FAM241B: variants seen among roughly 807,000 people sequenced by gnomAD.
FAM241B encodes the protein family with sequence similarity 241 member B, also known as protein FAM241B.
Under a neutral mutation model 9.3 loss-of-function variants are expected in FAM241B, and 7 were observed. The observed-to-expected ratio is 0.75, with a 90% confidence interval of 0.43 to 1.41. The LOEUF is 1.41. Among genes scored for constraint, FAM241B ranks in the 40% most tolerant of loss-of-function variants. FAM241B has a pLI of 0.01. For missense variants in FAM241B, 136 were observed against 159.6 expected (o/e 0.85, Z 0.80); for synonymous variants, 60 against 64.1 (o/e 0.94, Z 0.31).
chr10:69,631,451 C>A (rs922666888), intron 1 of FAM241B, 29 bp from the exon 2 acceptor site: 23 of 1,460,430 alleles, frequency 1.6e-5, no homozygotes, highest in Non-Finnish European at 2.0e-5. Context: ...AAACAACTTG[C>A]CTTTATTTCT....
Position 69,632,988 on chromosome 10 carries a change from A to T in FAM241B, c.295A>T (p.Met99Leu). The change falls in exon 4 of 4, where the codon ATG (methionine) becomes TTG (leucine). Residue 99 changes from methionine (M) to leucine (L), a missense_variant. Transcript: ENST00000373279. ...VTSILLLFLL[M>L]MLGVRGLLLV... Reference sequence around the variant, plus strand: ...CTCCATCCTGCTCCTCTTCCTGCTCATGATGCTTGGTGTTCGTGGCCTCCT... The same window carrying T: ...CTCCATCCTGCTCCTCTTCCTGCTCTTGATGCTTGGTGTTCGTGGCCTCCT... 1 of 1,614,168 alleles carries T rather than the reference A, an allele frequency of 6.2e-7. No individual in the cohort carries two copies. Among genetic ancestry groups the T allele is most frequent in the South Asian group, 1.1e-5 (1 of 91,086 alleles).
At chr10:69,630,992 TC>T (rs72512865) in intron 1 of FAM241B, among the ~76,000 whole-genome samples, 7,428 of 152,266 alleles carry the variant, frequency 0.049, 306 homozygotes, top group East Asian at 0.24. Flanking sequence ...CCCTGGGTGT[TC>T]CTGGGGAAGG....
At chr10:69,630,660 G>A in intron 1 of FAM241B, 1 of 1,298,768 alleles carries the variant, frequency 7.7e-7, no homozygotes, top group Non-Finnish European at 1.0e-6. Context: ...TATCTGGAAT[G>A]TAGGTGGACA....
Position 69,631,506 on chromosome 10 carries a change from C to T in FAM241B, c.-77C>T. On this transcript the variant is annotated 5_prime_UTR_variant, in exon 2 of 4. Coordinates refer to ENST00000373279, the MANE Select transcript of FAM241B (RefSeq NM_145306.3). ...CACAGCATCTACTCAGCGTGGGTCACCTCTGTGAACATCACTGACTGCAAG... is the reference window on the plus strand; with the variant it reads ...CACAGCATCTACTCAGCGTGGGTCATCTCTGTGAACATCACTGACTGCAAG... 2 of 1,536,482 alleles carry T rather than the reference C, an allele frequency of 1.3e-6. No homozygotes were observed. The highest frequency in any genetic ancestry group is 1.8e-6 in the Non-Finnish European group (2 of 1,138,072).
chr10:69,633,251 G>A lies in FAM241B; in HGVS notation c.*192G>A. ...TTAGTCCAGCATTTCCAAAGTGTGG[G>A]TGGGTCCGTTGGTTCCCAAGATACT... On this transcript the variant is annotated 3_prime_UTR_variant, in exon 4 of 4. Coordinates refer to ENST00000373279, the MANE Select transcript of FAM241B (RefSeq NM_145306.3). 2.4e-6 allele frequency: 2 copies of A among 845,800 alleles called. No individual in the cohort carries two copies. 52.4% of individuals were successfully genotyped at this position (845,800 alleles called of 1,614,324 possible).
intron 3 of FAM241B, among the ~76,000 whole-genome samples, chr10:69,632,575 G>C (rs1404492816): frequency 6.6e-6 from 1 of 152,124 alleles, no homozygotes; most frequent in East Asian, 1.9e-4. Context: ...TCTGTCCTGG[G>C]CCTGATGTGA....
In FAM241B at chr10:69,631,479, G is replaced by C. The variant is rs1476957360; in HGVS notation, c.-103-1G>C. The C allele has an allele frequency of 5.3e-6, 8 of 1,515,406 alleles. No homozygotes were observed. In the African/African-American group the frequency reaches 5.5e-5, roughly 10 times the overall value. The allele number at this position is 1,515,406 out of a possible 1,614,324, so 93.9% of individuals were successfully genotyped here. On this transcript the variant is annotated splice_acceptor_variant, in intron 1 of 3. Coordinates refer to ENST00000373279, the MANE Select transcript of FAM241B (RefSeq NM_145306.3). LOFTEE classifies it low-confidence loss of function (5UTR_SPLICE). ...TTATTTCTCCCCTTTTTGTTAATCA[G>C]ACACAGCATCTACTCAGCGTGGGTC...
intron 1 of FAM241B, among the ~76,000 whole-genome samples, chr10:69,631,232 G>A (rs1382599555): frequency 6.6e-6 from 1 of 152,176 alleles, no homozygotes; most frequent in Non-Finnish European, 1.5e-5. Context: ...TGCAATGGCC[G>A]CGCTAGTACC....
Position 69,631,792 on chromosome 10 carries a change from C to G in FAM241B, c.49C>G (p.Arg17Gly). 6.2e-7 allele frequency: 1 copy of G among 1,613,204 alleles called. No individual in the cohort carries two copies. The highest frequency in any genetic ancestry group is 1.3e-5 in the African/African-American group (1 of 75,004). Residue 17 changes from arginine (R) to glycine (G), a missense_variant, in exon 3 of 4, where the codon CGA becomes GGA. Coordinates refer to ENST00000373279, the MANE Select transcript of FAM241B (RefSeq NM_145306.3). ...NGEIVQDDDP[R>G]VRTTTQPPRG... ...GGAAATCGTGCAGGATGACGACCCC[C>G]GAGTGAGGACCACTACCCAGCCACC...
intron 3 of FAM241B, 59 bp from the exon 4 acceptor site, chr10:69,632,731 T>C (rs768706315): frequency 1.3e-6 from 2 of 1,568,714 alleles, no homozygotes; most frequent in East Asian, 2.2e-5. Flanking sequence ...GAGAGGTTGA[T>C]TCCTGGCTGG....
In FAM241B at chr10:69,633,038, G is replaced by A; in HGVS notation, c.345G>A (p.Val115=). 1 of 1,614,192 alleles carries A rather than the reference G, an allele frequency of 6.2e-7. No homozygotes were observed. The highest frequency in any genetic ancestry group is 8.5e-7 in the Non-Finnish European group (1 of 1,180,026). The part of the protein sequence containing the change: ...GLLLVGLVYL[V]SHLSQR ...TCCTGGTTGGCCTTGTCTACCTGGT[G>A]TCCCACCTGAGTCAGCGGTGACCTC... is the stretch of plus-strand genomic sequence containing the variant. The change falls in exon 4 of 4, where the codon GTG becomes GTA. Residue 115 remains valine (V), a synonymous_variant. Coordinates refer to ENST00000373279, the MANE Select transcript of FAM241B (RefSeq NM_145306.3).
rs1294799401 is a variant in FAM241B at position 69,630,300 on chromosome 10, A to C, written c.-117A>C. 6.6e-6 allele frequency: 1 copy of C among 152,586 alleles called. No individual in the cohort carries two copies. The highest frequency in any genetic ancestry group is 1.5e-5 in the Non-Finnish European group (1 of 68,442). The allele number at this position is 152,586 out of a possible 1,614,324, so 9.5% of individuals were successfully genotyped here. On this transcript the variant is annotated 5_prime_UTR_variant, in exon 1 of 4. Transcript: ENST00000373279. ...GGGAGTGGACGCCGCCGAGGCCCGG[A>C]GTCGCGCCTGCAGGTGAGTCGCCGC...
rs1839856547 is a variant in FAM241B, at chr10:69,632,930, G to C, written c.237G>C (p.Trp79Cys). ...TGGTGAACATGGGCTTTCCGCAGTGGCATCTTGGCAACCATGCTGTGGAGC... is the reference window on the plus strand; with the variant it reads ...TGGTGAACATGGGCTTTCCGCAGTGCCATCTTGGCAACCATGCTGTGGAGC... ...RQLVNMGFPQ[W>C]HLGNHAVEPV... is the part of the protein sequence containing the mutation. Residue 79 changes from tryptophan (W) to cysteine (C), a missense_variant, in exon 4 of 4, where the codon TGG becomes TGC. Coordinates refer to ENST00000373279, the MANE Select transcript of FAM241B (RefSeq NM_145306.3). The C allele has an allele frequency of 6.2e-7, 1 of 1,614,084 alleles. No homozygotes were observed. Among genetic ancestry groups the C allele is most frequent in the Non-Finnish European group, 8.5e-7 (1 of 1,180,046 alleles).
chr10:69,631,836 A>C lies in FAM241B; in HGVS notation c.93A>C (p.Arg31=). ...TTQPPRGSIP[R]QSFFNRGHGA... ...AGCCACCAAGAGGTAGCATTCCTCG[A>C]CAGGTAGGTACTCATTTCCTGTGGA... Residue 31 remains arginine (R), a synonymous_variant, in exon 3 of 4, where the codon CGA becomes CGC. Transcript: ENST00000373279. 6.2e-7 allele frequency: 1 copy of C among 1,608,200 alleles called. No individual in the cohort carries two copies. The highest frequency in any genetic ancestry group is 8.5e-7 in the Non-Finnish European group (1 of 1,177,924).
At chr10:69,631,410 G>C in intron 1 of FAM241B, 70 bp from the exon 2 acceptor site, 1 of 1,250,122 alleles carries the variant, frequency 8.0e-7, no homozygotes, top group Admixed American at 2.3e-5. Context: ...TTTTCCTGGT[G>C]GACTCAATGT....
chr10:69,632,876 G>T lies in FAM241B; in HGVS notation c.183G>T (p.Gln61His), dbSNP rs778953654. 1.2e-5 allele frequency: 20 copies of T among 1,614,106 alleles called. No individual in the cohort carries two copies. The Admixed American group carries it at 3.3e-4, about 27-fold the overall frequency. ...CAGGTGCCAGGCTGGGTGCTGCTCA[G>T]TCCCCCTTCAATGACCTCAACCGGC... Reference protein sequence around the residue: ...QQAGARLGAAQSPFNDLNRQL... With the variant: ...QQAGARLGAAHSPFNDLNRQL... The change falls in exon 4 of 4, where the codon CAG (glutamine) becomes CAT (histidine). Residue 61 changes from glutamine to histidine, a missense_variant. Gln to His is a conservative substitution (Grantham distance 24). Coordinates refer to ENST00000373279, the MANE Select transcript of FAM241B (RefSeq NM_145306.3).
In FAM241B at chr10:69,631,579, A is replaced by T. The variant is rs753317167; in HGVS notation, c.-36+32A>T. On this transcript the variant is annotated intron_variant, in intron 2 of 3. Coordinates refer to ENST00000373279, the MANE Select transcript of FAM241B (RefSeq NM_145306.3). Reference sequence around the variant, plus strand: ...TTTTTCCTTCAAGCTTTTTGAGGTCAGGGGGAAAATCCTCCACAGATCTTC... The same window carrying T: ...TTTTTCCTTCAAGCTTTTTGAGGTCTGGGGGAAAATCCTCCACAGATCTTC... 4.5e-6 allele frequency: 7 copies of T among 1,547,538 alleles called. No individual in the cohort carries two copies. In the South Asian group the frequency reaches 8.4e-5, roughly 19 times the overall value.
Position 69,633,104 on chromosome 10 carries a change from G to A in FAM241B, c.*45G>A, listed in dbSNP as rs1388698723. ...GTGGGTTTGTTGAGAGGGACTTGCT[G>A]GGCCTTGGTGTGAGAGCAGGCATAT... On this transcript the variant is annotated 3_prime_UTR_variant, in exon 4 of 4. Transcript: ENST00000373279. 1 of 1,605,538 alleles carries A rather than the reference G, an allele frequency of 6.2e-7. No individual in the cohort carries two copies. The highest frequency in any genetic ancestry group is 1.3e-5 in the African/African-American group (1 of 74,812).
intron 2 of FAM241B, 69 bp downstream of exon 2, chr10:69,631,616 C>T: frequency 6.5e-7 from 1 of 1,549,564 alleles, no homozygotes; most frequent in Non-Finnish European, 8.7e-7. Flanking sequence ...CGAGTCTGGT[C>T]CCAGATCACT....
Sources: allele counts gnomAD v4.1 joint callset (sites outside exome capture counted in the v4.1 genomes callset), GRCh38; gene constraint gnomAD v4.1.1; transcripts MANE v1.5; gene names NCBI Gene and HGNC (gene_info 2026-07-23, HGNC 2026-07-21).